The following KIFAP3 variants were observed in gnomAD, a reference collection of about 807,000 sequenced individuals.
KIFAP3 encodes kinesin associated protein 3.
A neutral mutation model predicts 106.5 loss-of-function variants in KIFAP3; 68 were observed. The observed-to-expected ratio is 0.64, with a 90% CI of 0.53 to 0.78. KIFAP3 has a LOEUF of 0.78. Ranked by LOEUF, KIFAP3 falls within the 30% of genes least tolerant of loss-of-function variation. The probability of loss-of-function intolerance (pLI) is 0.00; values close to 1 mark genes in which losing one functional copy is unlikely to be tolerated. For synonymous variants in KIFAP3, 320 were observed against 311.5 expected, an observed-to-expected ratio of 1.03 and a Z score of -0.29; for missense variants, 780 against 941.8, an observed-to-expected ratio of 0.83 and a Z score of 2.25.
intron 17 of KIFAP3, among the ~76,000 whole-genome samples, chr1:169,962,139 G>C (rs1323076398): frequency 6.6e-6 from 1 of 151,828 alleles, no homozygotes; most frequent in Admixed American, 6.6e-5. Flanking sequence ...ACAAATATCA[G>C]AATTGAATTT....
At chr1:170,042,166 G>A (rs1315184764) in intron 3 of KIFAP3, among the ~76,000 whole-genome samples, 2 of 152,194 alleles carry the variant, frequency 1.3e-5, no homozygotes, top group Non-Finnish European at 2.9e-5. Flanking sequence ...TGTCTTGGTC[G>A]ATACGGGAAA....
At chr1:170,040,980 A>G (rs73039136) in intron 3 of KIFAP3, among the ~76,000 whole-genome samples, 249 of 151,982 alleles carry the variant, frequency 1.6e-3, no homozygotes, top group African/African-American at 5.7e-3. Flanking sequence ...CGCACACCAC[A>G]ACGCCCAGCT....
intron 9 of KIFAP3, among the ~76,000 whole-genome samples, chr1:170,020,571 C>G (rs1337038550): frequency 6.6e-6 from 1 of 152,140 alleles, no homozygotes; most frequent in Non-Finnish European, 1.5e-5. Flanking sequence ...CCTCAGCCTC[C>G]CGAGTAGCTG....
At chr1:170,026,275 G>A (rs571834976) in intron 8 of KIFAP3, among the ~76,000 whole-genome samples, 4 of 152,026 alleles carry the variant, frequency 2.6e-5, no homozygotes, top group African/African-American at 4.8e-5. Flanking sequence ...TAAGCCACCC[G>A]GTTTACGGTA....
chr1:170,041,828 G>T, intron 3 of KIFAP3: 1 of 1,473,596 alleles, frequency 6.8e-7, no homozygotes, highest in South Asian at 1.3e-5. Flanking sequence ...AAGTCCTGCT[G>T]ACCCTTCCCA....
intron 10 of KIFAP3, among the ~76,000 whole-genome samples, chr1:170,015,741 G>C (rs751155579): frequency 3.9e-5 from 6 of 152,112 alleles, no homozygotes; most frequent in Non-Finnish European, 8.8e-5. Flanking sequence ...GAACTGGCAG[G>C]AGCCCATAAA....
intron 2 of KIFAP3, among the ~76,000 whole-genome samples, chr1:170,051,159 GA>G (rs796560973): frequency 0.013 from 1,479 of 113,768 alleles, 21 homozygotes; most frequent in African/African-American, 0.036. Flanking sequence ...CAAGCAAATG[GA>G]AAAAAAAAAA....
intron 17 of KIFAP3, among the ~76,000 whole-genome samples, chr1:169,971,619 G>A (rs1665925192): frequency 6.6e-6 from 1 of 151,950 alleles, no homozygotes; most frequent in Non-Finnish European, 1.5e-5. Flanking sequence ...GTTCCTAACG[G>A]TGATTGTCTA....
chr1:170,016,826 TC>T (rs1158660362), intron 9 of KIFAP3, among the ~76,000 whole-genome samples: 1 of 152,160 alleles, frequency 6.6e-6, no homozygotes, highest in Non-Finnish European at 1.5e-5. Context: ...ATCCCCTCCT[TC>T]CCTCATTTAA....
chr1:169,921,345 G>A lies in KIFAP3; in HGVS notation c.*331C>T, dbSNP rs1006704553. 5 of 164,328 alleles carry A rather than the reference G, an allele frequency of 3.0e-5. No individual in the cohort carries two copies. In the Middle Eastern group the frequency reaches 8.2e-3, roughly 269 times the overall value. The allele number at this position is 164,328 out of a possible 1,614,324, so 10.2% of individuals were successfully genotyped here. On this transcript the variant is annotated 3_prime_UTR_variant, in exon 20 of 20. Transcript: ENST00000361580. Reference sequence around the variant, plus strand: ...TTTCACTTATTCATTTTCACTTTACGCTTTTTAATTGAAATTAAATTAGTC... The same window carrying A: ...TTTCACTTATTCATTTTCACTTTACACTTTTTAATTGAAATTAAATTAGTC...
chr1:170,034,533 T>C (rs1669578831), intron 6 of KIFAP3, 37 bp from the exon 7 acceptor site: 2 of 1,166,324 alleles, frequency 1.7e-6, no homozygotes, highest in Non-Finnish European at 2.4e-6. Context: ...TTTAAAAGAA[T>C]ACATTTTATG....
At chr1:170,063,707 A>G (rs551551519) in intron 1 of KIFAP3, among the ~76,000 whole-genome samples, 43 of 152,082 alleles carry the variant, frequency 2.8e-4, no homozygotes, top group Admixed American at 4.6e-4. Context: ...CAGTTGGTTT[A>G]CTGAGCTATT....
chr1:170,054,762 G>A (rs1344598888), intron 2 of KIFAP3, among the ~76,000 whole-genome samples: 1 of 151,892 alleles, frequency 6.6e-6, no homozygotes, highest in Non-Finnish European at 1.5e-5. Context: ...TGAACAATGA[G>A]AACACACGGA....
At chr1:170,064,734 G>C (rs947985972) in intron 1 of KIFAP3, among the ~76,000 whole-genome samples, 1 of 152,162 alleles carries the variant, frequency 6.6e-6, no homozygotes, top group Non-Finnish European at 1.5e-5. Context: ...TGAATGTGTA[G>C]TGAATGTCAT....
chr1:170,035,956 A>C (rs1189226966), intron 5 of KIFAP3, among the ~76,000 whole-genome samples: 2 of 152,034 alleles, frequency 1.3e-5, no homozygotes, highest in Non-Finnish European at 2.9e-5. Flanking sequence ...AAAAACTTGA[A>C]TAAGTCTAGA....
intron 19 of KIFAP3, among the ~76,000 whole-genome samples, chr1:169,944,088 GC>G (rs568492713): frequency 1.7e-4 from 26 of 152,290 alleles, no homozygotes; most frequent in South Asian, 4.2e-4. Context: ...CGCCCGCTGG[GC>G]TCGTTCTGCC....
intron 11 of KIFAP3, among the ~76,000 whole-genome samples, chr1:169,991,332 C>T (rs533038948): frequency 8.1e-6 from 1 of 124,216 alleles, no homozygotes; most frequent in Non-Finnish European, 1.6e-5. Flanking sequence ...GGCAACAGAG[C>T]AAGATCCTGT....
chr1:169,959,404 C>T (rs1665197580), intron 18 of KIFAP3, among the ~76,000 whole-genome samples: 1 of 152,012 alleles, frequency 6.6e-6, no homozygotes, highest in Non-Finnish European at 1.5e-5. Flanking sequence ...CATGTAATTT[C>T]TACTGTCAAA....
rs540360990 is a variant in KIFAP3, at chr1:170,026,194, G to A, written c.842-1598C>T. On this transcript the variant is annotated intron_variant, in intron 8 of 19. Transcript: ENST00000361580. ...CTTTTCCAGAGCCTTCAGAGAGAAC[G>A]TGGGCCTGATGATACCTTGACTTTG... Among the ~76,000 whole-genome samples the A allele has an allele frequency of 3.9e-5, 6 of 152,262 alleles. No individual in the cohort carries two copies. In the South Asian group the frequency reaches 8.3e-4, roughly 21 times the overall value.
Sources: allele counts gnomAD v4.1 joint callset (sites outside exome capture counted in the v4.1 genomes callset), GRCh38; gene constraint gnomAD v4.1.1; transcripts MANE v1.5; gene names NCBI Gene and HGNC (gene_info 2026-07-23, HGNC 2026-07-21).